Variants in CSNK2A2IP observed in about 807,000 individuals in gnomAD.
CSNK2A2IP encodes the protein casein kinase II subunit alpha'-interacting protein.
the CSNK2A2IP span, among the ~76,000 whole-genome samples, chr3:88,359,403 C>T: frequency 1.3e-5 from 2 of 151,472 alleles, no homozygotes; most frequent in South Asian, 4.2e-4. Context: ...TTTTCTTCTA[C>T]TAATTTTGGG....
At chr3:88,459,573 G>A in the CSNK2A2IP span, among the ~76,000 whole-genome samples, 1 of 151,748 alleles carries the variant, frequency 6.6e-6, no homozygotes, top group East Asian at 1.9e-4. Context: ...TTAATACATT[G>A]GCCAGATTTT....
the CSNK2A2IP span, among the ~76,000 whole-genome samples, chr3:88,398,540 CTGT>C: frequency 6.6e-6 from 1 of 152,062 alleles, no homozygotes; most frequent in East Asian, 1.9e-4. Context: ...TTCTTAAATG[CTGT>C]ATATACCAAA....
the CSNK2A2IP span, chr3:88,466,858 C>T: frequency 1.8e-6 from 2 of 1,101,334 alleles, no homozygotes; most frequent in Non-Finnish European, 2.3e-6. Flanking sequence ...TTGTGCAACA[C>T]TTTCTGTCAT....
At chr3:88,441,173 G>C in the CSNK2A2IP span, among the ~76,000 whole-genome samples, 1 of 152,080 alleles carries the variant, frequency 6.6e-6, no homozygotes, top group African/African-American at 2.4e-5. Context: ...ACATCAGAAA[G>C]GTATAAACCT....
the CSNK2A2IP span, chr3:88,465,477 C>T: frequency 3.2e-6 from 4 of 1,231,578 alleles, no homozygotes; most frequent in South Asian, 1.2e-4. Flanking sequence ...AATTCAATAA[C>T]CAACCTATGG....
chr3:88,458,620 CT>C, the CSNK2A2IP span, among the ~76,000 whole-genome samples: 51,286 of 151,222 alleles, frequency 0.34, 9,934 homozygotes, highest in Non-Finnish European at 0.45. Flanking sequence ...ATGTGCTCTT[CT>C]TTTTTTTTAT....
chr3:88,360,354 C>T, the CSNK2A2IP span, among the ~76,000 whole-genome samples: 5 of 151,984 alleles, frequency 3.3e-5, no homozygotes, highest in African/African-American at 4.8e-5. Context: ...AGGATGGTCT[C>T]GATCTCCTGA....
chr3:88,357,132 A>AT, the CSNK2A2IP span, among the ~76,000 whole-genome samples: 6 of 151,468 alleles, frequency 4.0e-5, no homozygotes, highest in African/African-American at 1.2e-4. Context: ...CTCATTATCT[A>AT]TTTTTTCTTT....
At chr3:88,394,496 C>T in the CSNK2A2IP span, among the ~76,000 whole-genome samples, 2 of 152,152 alleles carry the variant, frequency 1.3e-5, no homozygotes, top group Admixed American at 1.3e-4. Flanking sequence ...CCTCAGCCTC[C>T]CGAGTAGCTG....
the CSNK2A2IP span, among the ~76,000 whole-genome samples, chr3:88,364,588 C>G: frequency 6.6e-6 from 1 of 151,894 alleles, no homozygotes; most frequent in South Asian, 2.1e-4. Context: ...GGGTTAAAAA[C>G]TGGTAATACA....
the CSNK2A2IP span, among the ~76,000 whole-genome samples, chr3:88,383,377 T>A: frequency 3.3e-5 from 5 of 152,338 alleles, no homozygotes; most frequent in African/African-American, 9.6e-5. Flanking sequence ...TCAGAATTTT[T>A]AATCTATAAA....
At chr3:88,357,981 C>T in the CSNK2A2IP span, among the ~76,000 whole-genome samples, 1 of 152,118 alleles carries the variant, frequency 6.6e-6, no homozygotes, top group Non-Finnish European at 1.5e-5. Flanking sequence ...CCCACCTCTG[C>T]CTCTCAAAAT....
the CSNK2A2IP span, among the ~76,000 whole-genome samples, chr3:88,376,047 C>A: frequency 6.6e-6 from 1 of 151,840 alleles, no homozygotes; most frequent in South Asian, 2.1e-4. Context: ...CCTGGCTGAC[C>A]AAAATCTATT....
the CSNK2A2IP span, among the ~76,000 whole-genome samples, chr3:88,462,377 ACAAG>A: frequency 6.6e-6 from 1 of 152,130 alleles, no homozygotes; most frequent in Admixed American, 6.5e-5. Flanking sequence ...CCCAGGTCCA[ACAAG>A]CATGAGAAAC....
At chr3:88,460,577 A>AT in the CSNK2A2IP span, among the ~76,000 whole-genome samples, 8 of 152,064 alleles carry the variant, frequency 5.3e-5, no homozygotes, top group African/African-American at 1.4e-4. Context: ...CATCATCATC[A>AT]TTTTTTATAC....
the CSNK2A2IP span, among the ~76,000 whole-genome samples, chr3:88,453,061 C>A: frequency 1.3e-5 from 2 of 152,018 alleles, no homozygotes; most frequent in Admixed American, 6.6e-5. Context: ...GCAGAAATTT[C>A]GGGTACTTAT....
At chr3:88,348,494 A>G in the CSNK2A2IP span, among the ~76,000 whole-genome samples, 2 of 152,030 alleles carry the variant, frequency 1.3e-5, no homozygotes, top group African/African-American at 4.8e-5. Flanking sequence ...AAATATATAT[A>G]TTTGTTTTTT....
the CSNK2A2IP span, among the ~76,000 whole-genome samples, chr3:88,431,739 C>A: frequency 6.6e-6 from 1 of 151,958 alleles, no homozygotes; most frequent in African/African-American, 2.4e-5. Flanking sequence ...AGGTCTTCTG[C>A]CAACAGCAAC....
At chr3:88,467,206 ACTT>A in the CSNK2A2IP span, 1 of 400,008 alleles carries the variant, frequency 2.5e-6, no homozygotes, top group Non-Finnish European at 4.4e-6. Flanking sequence ...CTCCTCCTCC[ACTT>A]CCTCCTCCTC....
Sources: gnomAD v4.1 joint callset for allele counts (sites outside exome capture counted in the v4.1 genomes callset) on GRCh38, gnomAD v4.1.1 for gene constraint, MANE v1.5 for transcripts, NCBI Gene and HGNC (gene_info 2026-07-23, HGNC 2026-07-21) for gene names.